The following RHPN2 variants were observed in gnomAD, a reference collection of about 807,000 sequenced individuals.
RHPN2 encodes the protein rhophilin-2.
A neutral mutation model predicts 79.0 loss-of-function variants in RHPN2; 40 were observed. That is an observed-to-expected ratio of 0.51 (90% CI 0.39 to 0.66). The LOEUF (loss-of-function observed/expected upper bound fraction) is 0.66. RHPN2 is among the 30% of genes least tolerant of loss of function. The pLI is 0.00. For synonymous variants in RHPN2, 285 were observed against 363.5 expected, an observed-to-expected ratio of 0.78 and a Z score of 2.46; for missense variants, 686 against 883.5, an observed-to-expected ratio of 0.78 and a Z score of 2.83.
intron 2 of RHPN2, among the ~76,000 whole-genome samples, chr19:33,030,257 A>G (rs1193834034): frequency 6.6e-6 from 1 of 152,186 alleles, no homozygotes; most frequent in African/African-American, 2.4e-5. Context: ...AATTTCATCA[A>G]TTTAGAGATG....
chr19:33,038,089 G>A (rs914502244), intron 2 of RHPN2, among the ~76,000 whole-genome samples: 1 of 152,076 alleles, frequency 6.6e-6, no homozygotes, highest in Non-Finnish European at 1.5e-5. Flanking sequence ...GGTGGCTCAT[G>A]TCTGTAATCC....
intron 2 of RHPN2, among the ~76,000 whole-genome samples, chr19:33,039,917 T>A (rs1733797486): frequency 6.7e-6 from 1 of 148,386 alleles, no homozygotes; most frequent in African/African-American, 2.5e-5. Context: ...AAAAAAAAAA[T>A]TAGAAGATAC....
chr19:33,052,501 T>C (rs1972197226), intron 1 of RHPN2, among the ~76,000 whole-genome samples: 1 of 152,224 alleles, frequency 6.6e-6, no homozygotes, highest in Non-Finnish European at 1.5e-5. Flanking sequence ...TTTCTCTGCC[T>C]TTCTCACTCC....
rs554877344 is a variant in RHPN2 at position 33,038,370 on chromosome 19, G to A, written c.185+5879C>T. 9.6e-4 allele frequency among the ~76,000 whole-genome samples: 146 copies of A among 152,060 alleles called. 1 individual carries two copies. The highest frequency in any genetic ancestry group is 1.8e-3 in the Non-Finnish European group (124 of 67,998). On this transcript the variant is annotated intron_variant, in intron 2 of 14. Coordinates refer to ENST00000254260, the MANE Select transcript of RHPN2 (RefSeq NM_033103.5). ...GGAGGCTGAGGCGGGAGGACAGCTT[G>A]AGCCCAGAAGGTTGAGGCTGCAGTG... is the stretch of plus-strand genomic sequence containing the variant.
intron 4 of RHPN2, among the ~76,000 whole-genome samples, chr19:33,016,409 T>C (rs905295808): frequency 3.3e-5 from 5 of 152,090 alleles, no homozygotes; most frequent in Non-Finnish European, 7.4e-5. Context: ...GGCCAGCTGC[T>C]GTGGCTCACG....
chr19:32,997,424 G>A (rs1971710971), intron 10 of RHPN2, among the ~76,000 whole-genome samples: 2 of 152,116 alleles, frequency 1.3e-5, no homozygotes, highest in South Asian at 4.1e-4. Context: ...AATAAAGCAG[G>A]GTAAGCGGAG....
intron 2 of RHPN2, among the ~76,000 whole-genome samples, chr19:33,038,422 G>A (rs1972075370): frequency 1.3e-5 from 2 of 152,202 alleles, no homozygotes; most frequent in Non-Finnish European, 2.9e-5. Context: ...CTGAACTCCA[G>A]GTTGGGCAAC....
intron 3 of RHPN2, among the ~76,000 whole-genome samples, chr19:33,025,029 G>A (rs1246163235): frequency 6.6e-6 from 1 of 152,094 alleles, no homozygotes; most frequent in African/African-American, 2.4e-5. Context: ...GGGATTACAG[G>A]CATAAGGCAA....
chr19:33,018,902 G>A (rs1006299092), intron 4 of RHPN2, among the ~76,000 whole-genome samples: 1 of 151,334 alleles, frequency 6.6e-6, no homozygotes, highest in Non-Finnish European at 1.5e-5. Flanking sequence ...ATGATGGCGG[G>A]TGCCTGTAAT....
At chr19:33,033,609 G>A (rs1001541170) in intron 2 of RHPN2, among the ~76,000 whole-genome samples, 3 of 151,080 alleles carry the variant, frequency 2.0e-5, no homozygotes, top group East Asian at 4.0e-4. Context: ...TGGCTCACAC[G>A]TATAATACTA....
At chr19:33,027,817 T>C (rs1469819798) in intron 2 of RHPN2, among the ~76,000 whole-genome samples, 5 of 152,106 alleles carry the variant, frequency 3.3e-5, no homozygotes, top group Non-Finnish European at 7.4e-5. Flanking sequence ...CACAGATTCA[T>C]AATAAAAATT....
chr19:33,000,087 G>A (rs531208440), intron 9 of RHPN2, among the ~76,000 whole-genome samples: 1 of 152,030 alleles, frequency 6.6e-6, no homozygotes, highest in Non-Finnish European at 1.5e-5. Flanking sequence ...GCCCAGGCTG[G>A]TCTCAAACCC....
intron 2 of RHPN2, among the ~76,000 whole-genome samples, chr19:33,039,017 T>C (rs993776341): frequency 1.3e-5 from 2 of 152,112 alleles, no homozygotes; most frequent in Admixed American, 1.3e-4. Context: ...CCATTTGTTT[T>C]AGTGTAATTA....
In RHPN2 at chr19:32,990,605, G is replaced by C. The variant is rs752356242; in HGVS notation, c.1709C>G (p.Thr570Arg). 3 of 1,613,788 alleles carry C rather than the reference G, an allele frequency of 1.9e-6. No individual in the cohort carries two copies. The highest frequency in any genetic ancestry group is 1.7e-6 in the Non-Finnish European group (2 of 1,179,840). The change falls in exon 14 of 15, where the codon ACG (threonine) becomes AGG (arginine). Residue 570 changes from threonine (T) to arginine (R), a missense_variant. By Grantham distance (71) the Thr-to-Arg change is moderately conservative (BLOSUM62 -1). Transcript: ENST00000254260. ...CAGCAGCTTCATAACCTCACTCAGC[G>C]TCAGCCACTTACAATCCACAAGCTG... ...SIQLVDCKWL[T>R]LSEVMKLLKS...
Position 33,057,939 on chromosome 19 carries a change from C to A in RHPN2, c.69+6845G>T, listed in dbSNP as rs574497454. On this transcript the variant is annotated intron_variant, in intron 1 of 14. Transcript: ENST00000254260. ...CTTTGGGAGGCCAAGGCGGGCAAAT[C>A]ACTTGAGGTCAGGAGTTCAGGACCA... 2.7e-3 allele frequency among the ~76,000 whole-genome samples: 415 copies of A among 151,950 alleles called. 1 individual carries two copies. The highest frequency in any genetic ancestry group is 9.7e-3 in the African/African-American group (403 of 41,438).
chr19:32,989,662 C>A (rs1199914106), intron 14 of RHPN2, among the ~76,000 whole-genome samples: 1 of 152,004 alleles, frequency 6.6e-6, no homozygotes, highest in East Asian at 1.9e-4. Context: ...ATTATTTTAT[C>A]TACAGGATAT....
At position 32,991,782 on chromosome 19, in the gene RHPN2, A is replaced by C. The variant is rs1461658113; in HGVS notation, c.1644+41T>G. Reference sequence around the variant, plus strand: ...ACCCACCCTAAATTCAATCACCCAGATATCTGTGTTTGCTGCCAATCAAGA... The same window carrying C: ...ACCCACCCTAAATTCAATCACCCAGCTATCTGTGTTTGCTGCCAATCAAGA... On this transcript the variant is annotated intron_variant, in intron 13 of 14. Transcript: ENST00000254260. The C allele has an allele frequency of 3.1e-6, 5 of 1,613,716 alleles. No individual in the cohort carries two copies. In the East Asian group the frequency reaches 1.1e-4, roughly 36 times the overall value.
chr19:32,992,926 GA>G (rs760182089), intron 12 of RHPN2, among the ~76,000 whole-genome samples: 1 of 150,012 alleles, frequency 6.7e-6, no homozygotes, highest in East Asian at 2.0e-4. Context: ...CCAGGAGTTG[GA>G]GACCAGCCTA....
intron 12 of RHPN2, among the ~76,000 whole-genome samples, chr19:32,993,543 A>G (rs982612002): frequency 2.2e-4 from 34 of 152,250 alleles, no homozygotes; most frequent in African/African-American, 8.2e-4. Context: ...GTACCCTCCC[A>G]AAGTTTGTAT....
Sources: gnomAD v4.1 joint callset for allele counts (sites outside exome capture counted in the v4.1 genomes callset) on GRCh38, gnomAD v4.1.1 for gene constraint, MANE v1.5 for transcripts, NCBI Gene and HGNC (gene_info 2026-07-23, HGNC 2026-07-21) for gene names.